The following MAP3K15 variants were observed in gnomAD, a reference collection of about 807,000 sequenced individuals.
MAP3K15 encodes the protein mitogen-activated protein kinase kinase kinase 15, also known as MAPK/ERK kinase kinase 15.
In MAP3K15, 124 loss-of-function variants were observed where a neutral mutation model predicts 99.5. The ratio of observed to expected loss-of-function variants is 1.25; its 90% CI spans 1.08 to 1.45. The LOEUF (loss-of-function observed/expected upper bound fraction) is 1.45. Among genes scored for constraint, MAP3K15 ranks in the 40% most tolerant of loss-of-function variants. The pLI, the probability that MAP3K15 is intolerant of heterozygous loss-of-function variation, is 0.00. For missense variants in MAP3K15, 1,242 were observed against 1,079.7 expected, an observed-to-expected ratio of 1.15 and a Z score of -2.11; for synonymous variants, 494 against 439.6, an observed-to-expected ratio of 1.12 and a Z score of -1.55.
At chrX:19,463,932 T>A (rs192113352) in intron 4 of MAP3K15, among the ~76,000 whole-genome samples, 2,572 of 110,645 alleles carry the variant, frequency 0.023, 80 homozygotes, top group African/African-American at 0.081. Context: ...CAACTTCCTA[T>A]AAGTTGTCTT....
Position 19,381,391 on chromosome X carries a change from C to T in MAP3K15, c.2432-1114G>A, listed in dbSNP as rs191774037. On this transcript the variant is annotated intron_variant, in intron 18 of 28. Transcript: ENST00000338883. ...TTCAGCCAGGCTGCTGGGGAGTCTGCAGCCCCAAGTCATCCACTGGAGGAG... is the reference window on the plus strand; with the variant it reads ...TTCAGCCAGGCTGCTGGGGAGTCTGTAGCCCCAAGTCATCCACTGGAGGAG... Among the ~76,000 whole-genome samples the T allele has an allele frequency of 7.1e-3, 799 of 112,084 alleles. 4 individuals are homozygous for T. Among genetic ancestry groups the T allele is most frequent in the Middle Eastern group, 0.023 (5 of 218 alleles).
chrX:19,511,544 T>G (rs1314142032), intron 1 of MAP3K15, among the ~76,000 whole-genome samples: 2 of 111,752 alleles, frequency 1.8e-5, no homozygotes, highest in East Asian at 5.6e-4. Context: ...GACATTTATG[T>G]GGCAAACAAA....
chrX:19,426,822 A>AAAACAAAAAC (rs1464084964), intron 7 of MAP3K15, among the ~76,000 whole-genome samples: 1 of 100,320 alleles, frequency 1.0e-5, no homozygotes, highest in African/African-American at 4.1e-5. Flanking sequence ...TGTCTCCAAA[A>AAAACAAAAAC]AAAAAAAAAA....
chrX:19,394,759 C>T (rs907790824), intron 16 of MAP3K15, among the ~76,000 whole-genome samples: 2 of 84,963 alleles, frequency 2.4e-5, no homozygotes, highest in East Asian at 9.2e-4. Flanking sequence ...TGGAAAGTAT[C>T]CAACTTTCCA....
At chrX:19,484,439 G>A (rs2064310180) in intron 3 of MAP3K15, among the ~76,000 whole-genome samples, 1 of 112,018 alleles carries the variant, frequency 8.9e-6, no homozygotes, top group Non-Finnish European at 1.9e-5. Flanking sequence ...AAAGGTTGGG[G>A]ACCGCTGCTT....
intron 6 of MAP3K15, among the ~76,000 whole-genome samples, chrX:19,433,921 AACAACCAG>A (rs1485385475): frequency 9.0e-6 from 1 of 111,551 alleles, no homozygotes; most frequent in African/African-American, 3.3e-5. Context: ...TATATTTTGC[AACAACCAG>A]ACTACAGAAT....
intron 6 of MAP3K15, among the ~76,000 whole-genome samples, chrX:19,445,740 A>G (rs1380424932): frequency 9.1e-6 from 1 of 109,665 alleles, no homozygotes; most frequent in East Asian, 2.8e-4. Context: ...TGAGGTCAGG[A>G]GTTCGAGACC....
At chrX:19,402,731 C>T (rs1016393069) in intron 13 of MAP3K15, among the ~76,000 whole-genome samples, 2 of 111,549 alleles carry the variant, frequency 1.8e-5, no homozygotes, top group Non-Finnish European at 3.8e-5. Context: ...GTGGCGTGAT[C>T]ATGGTTCACT....
rs185214524 is a variant in MAP3K15, at chrX:19,445,674, G to T, written c.995+11239C>A. ...TAATCAGCCAAAGGCCAGGTGTAGC[G>T]GCTCACGCCTGTAATCCAAGCACTT... On this transcript the variant is annotated intron_variant, in intron 6 of 28. Transcript: ENST00000338883. 7.5e-3 allele frequency among the ~76,000 whole-genome samples: 817 copies of T among 109,230 alleles called. 9 individuals carry two copies. The highest frequency in any genetic ancestry group is 0.029 in the Middle Eastern group (6 of 210). 94.9% of individuals were successfully genotyped at this position (109,230 alleles called of 115,157 possible).
intron 6 of MAP3K15, among the ~76,000 whole-genome samples, chrX:19,455,712 G>A (rs185898244): frequency 2.8e-5 from 3 of 108,380 alleles, no homozygotes; most frequent in Admixed American, 1.0e-4. Flanking sequence ...TGAGAAAATG[G>A]CAATCTATTA....
At chrX:19,469,684 G>A (rs1351343556) in intron 3 of MAP3K15, among the ~76,000 whole-genome samples, 7 of 110,830 alleles carry the variant, frequency 6.3e-5, no homozygotes, top group African/African-American at 2.3e-4. Flanking sequence ...AATCTACAAT[G>A]AACTCAAACA....
chrX:19,509,873 G>A (rs1436924296), intron 1 of MAP3K15, among the ~76,000 whole-genome samples: 1 of 111,159 alleles, frequency 9.0e-6, no homozygotes, highest in Non-Finnish European at 1.9e-5. Flanking sequence ...AGAAAAGAGA[G>A]AAGAATCAAA....
intron 16 of MAP3K15, 79 bp from the exon 17 acceptor site, chrX:19,392,552 T>C (rs2063535384): frequency 2.5e-4 from 241 of 969,411 alleles, no homozygotes; most frequent in Non-Finnish European, 3.1e-4. Context: ...TGAGGTGAGG[T>C]TTCTAACCTA....
rs747882755 is a variant in MAP3K15 at position 19,457,109 on chromosome X, G to A, written c.889-90C>T. On this transcript the variant is annotated intron_variant, in intron 5 of 28. Coordinates refer to ENST00000338883, the MANE Select transcript of MAP3K15 (RefSeq NM_001001671.4). ...TTGTTATAAACAGGAGACAGCCTCC[G>A]CACTTAAAGACAGGCCCTTCCTTAC... 1.4e-4 allele frequency: 86 copies of A among 601,747 alleles called. No individual in the cohort carries two copies. In the Middle Eastern group the frequency reaches 4.9e-3, roughly 35 times the overall value. 49.6% of individuals were successfully genotyped at this position (601,747 alleles called of 1,213,427 possible).
chrX:19,422,748 A>G (rs1461199003), intron 9 of MAP3K15, among the ~76,000 whole-genome samples: 1 of 112,086 alleles, frequency 8.9e-6, no homozygotes, highest in Non-Finnish European at 1.9e-5. Flanking sequence ...TAGTGGCACT[A>G]TTCACAATAG....
intron 1 of MAP3K15, among the ~76,000 whole-genome samples, chrX:19,504,245 C>A (rs1414019739): frequency 9.0e-6 from 1 of 111,578 alleles, no homozygotes; most frequent in Non-Finnish European, 1.9e-5. Context: ...ACAGACGAAT[C>A]CCCAAGGCTT....
At chrX:19,369,322 C>T (rs1340554464) in intron 24 of MAP3K15, 103 bp from the exon 25 acceptor site, 18 of 894,336 alleles carry the variant, frequency 2.0e-5, no homozygotes, top group Middle Eastern at 5.6e-4. Context: ...GAAGCTGGCC[C>T]AGCCCGTGCC....
intron 13 of MAP3K15, 86 bp downstream of exon 13, chrX:19,407,102 G>C: frequency 1.9e-6 from 1 of 527,827 alleles, no homozygotes; most frequent in Non-Finnish European, 3.0e-6. Flanking sequence ...GACAGTAATA[G>C]CAAGTAAATA....
intron 28 of MAP3K15, chrX:19,361,051 A>G (rs990519199): frequency 3.8e-5 from 16 of 416,214 alleles, no homozygotes; most frequent in African/African-American, 2.7e-4. Flanking sequence ...GGCAGGCTGC[A>G]GTTTAAAGAA....
Sources: allele counts gnomAD v4.1 joint callset (sites outside exome capture counted in the v4.1 genomes callset), GRCh38; gene constraint gnomAD v4.1.1; transcripts MANE v1.5; gene names NCBI Gene and HGNC (gene_info 2026-07-23, HGNC 2026-07-21).